The following CSMD1 variants were observed in gnomAD, a reference collection of about 807,000 sequenced individuals.
CSMD1 encodes the protein CUB and Sushi multiple domains 1.
Under a neutral mutation model 417.5 loss-of-function variants are expected in CSMD1, and 213 were observed. That is an observed-to-expected ratio of 0.51 (90% CI 0.46 to 0.57). CSMD1 has a LOEUF of 0.57. Among genes scored for constraint, CSMD1 ranks in the 20% least tolerant of loss-of-function variants. CSMD1 has a pLI of 0.00. For missense variants in CSMD1, 6,923 were observed against 4,529.7 expected (o/e 1.53, Z -15.17); for synonymous variants, 2,862 against 1,736.8 (o/e 1.65, Z -16.11).
intron 23 of CSMD1, among the ~76,000 whole-genome samples, chr8:3,334,176 G>A (rs143329470): frequency 6.6e-6 from 1 of 152,162 alleles, no homozygotes; most frequent in East Asian, 1.9e-4. Flanking sequence ...CCTTTTCAAG[G>A]TATCAGTCAA....
chr8:4,973,134 C>T (rs1261990660), intron 1 of CSMD1, among the ~76,000 whole-genome samples: 2 of 152,124 alleles, frequency 1.3e-5, no homozygotes, highest in African/African-American at 4.8e-5. Context: ...ATATAAAACA[C>T]ACCAAGAAAT....
intron 26 of CSMD1, among the ~76,000 whole-genome samples, chr8:3,236,733 C>G (rs1799175905): frequency 6.6e-6 from 1 of 152,176 alleles, no homozygotes. Context: ...TCATTTTTCT[C>G]TTAAATATGT....
intron 3 of CSMD1, among the ~76,000 whole-genome samples, chr8:4,304,559 G>A (rs924206920): frequency 7.2e-5 from 11 of 152,022 alleles, no homozygotes; most frequent in African/African-American, 1.7e-4. Context: ...ATAATCAATT[G>A]GGATGTGTTT....
intron 1 of CSMD1, among the ~76,000 whole-genome samples, chr8:4,742,945 C>A (rs1369259806): frequency 2.0e-5 from 3 of 151,958 alleles, no homozygotes; most frequent in Non-Finnish European, 4.4e-5. Context: ...TAAATGATAC[C>A]AAAAGTGCAT....
intron 3 of CSMD1, among the ~76,000 whole-genome samples, chr8:4,407,467 C>T (rs565646431): frequency 1.3e-4 from 20 of 152,222 alleles, no homozygotes; most frequent in Non-Finnish European, 2.1e-4. Flanking sequence ...TGTTGTAAAA[C>T]GTAATTTTGT....
intron 5 of CSMD1, among the ~76,000 whole-genome samples, chr8:3,838,597 T>G (rs1802864185): frequency 7.1e-6 from 1 of 140,248 alleles, no homozygotes. Flanking sequence ...TCCCTCTCTA[T>G]ATAAATATTT....
intron 2 of CSMD1, among the ~76,000 whole-genome samples, chr8:4,462,866 A>T (rs541149846): frequency 6.6e-6 from 1 of 152,240 alleles, no homozygotes; most frequent in South Asian, 2.1e-4. Context: ...AAACTCTTTG[A>T]AGAAAATATA....
Position 4,674,148 on chromosome 8 carries a change from C to G in CSMD1, c.86-36590G>C, listed in dbSNP as rs558355444. On this transcript the variant is annotated intron_variant, in intron 1 of 69. Coordinates refer to ENST00000635120, the MANE Select transcript of CSMD1 (RefSeq NM_033225.6). ...ATCTCACAGCAGATGTCCACTGGAA[C>G]CATAGATGAGGTGGGAAAATCGATC... Among the ~76,000 whole-genome samples the G allele has an allele frequency of 3.9e-4, 60 of 152,156 alleles. 1 individual carries two copies. In the South Asian group the frequency reaches 9.1e-3, roughly 23 times the overall value.
intron 3 of CSMD1, among the ~76,000 whole-genome samples, chr8:4,240,552 T>C (rs1374277410): frequency 6.6e-6 from 1 of 152,244 alleles, no homozygotes; most frequent in South Asian, 2.1e-4. Flanking sequence ...CTTAGAAGCC[T>C]GTGCCTCCTG....
rs561061396 is a variant in CSMD1, at chr8:4,401,373, A to G, written c.415+18580T>C. On this transcript the variant is annotated intron_variant, in intron 3 of 69. Transcript: ENST00000635120. ...GTATTGTTATTACATTTTATTCACC[A>G]AAGAGGTGTATCAGATGTTAGTTGT... Among the ~76,000 whole-genome samples the G allele has an allele frequency of 2.6e-5, 4 of 152,304 alleles. No individual in the cohort carries two copies. In the East Asian group the frequency reaches 7.7e-4, roughly 29 times the overall value.
At chr8:4,406,394 T>G (rs11992011) in intron 3 of CSMD1, among the ~76,000 whole-genome samples, 4,893 of 152,138 alleles carry the variant, frequency 0.032, 95 homozygotes, top group South Asian at 0.056. Flanking sequence ...AAACTCAACT[T>G]TTACTTCCCC....
rs925109179 is a variant in CSMD1 at position 3,758,668 on chromosome 8, T to A, written c.819-4626A>T. ...ACAACTTGGTGTTTCAGTTGAGATT[T>A]AGAAGAAAAGAATTCAACTGAATGG... On this transcript the variant is annotated intron_variant, in intron 5 of 69. Transcript: ENST00000635120. Among the ~76,000 whole-genome samples, 4 of 152,192 alleles carry A rather than the reference T, an allele frequency of 2.6e-5. No homozygotes were observed. In the East Asian group the frequency reaches 7.7e-4, roughly 29 times the overall value.
chr8:3,589,863 C>G (rs1329608198), intron 8 of CSMD1, among the ~76,000 whole-genome samples: 1 of 152,072 alleles, frequency 6.6e-6, no homozygotes, highest in Non-Finnish European at 1.5e-5. Context: ...CCATAAATAT[C>G]TACAGTTTTT....
chr8:4,163,324 T>C (rs900073615), intron 3 of CSMD1, among the ~76,000 whole-genome samples: 5 of 152,214 alleles, frequency 3.3e-5, no homozygotes, highest in Non-Finnish European at 7.3e-5. Flanking sequence ...TCTTCCAAAG[T>C]GGCTGTTCCA....
At chr8:4,925,531 C>A (rs980446007) in intron 1 of CSMD1, among the ~76,000 whole-genome samples, 1 of 81,044 alleles carries the variant, frequency 1.2e-5, no homozygotes, top group African/African-American at 4.3e-5. Flanking sequence ...TTCTGTCTGG[C>A]ATTTTCTTTT....
chr8:3,722,221 A>C (rs957315908), intron 6 of CSMD1, among the ~76,000 whole-genome samples: 8 of 152,202 alleles, frequency 5.3e-5, no homozygotes, highest in South Asian at 4.1e-4. Context: ...AGGCAGGAGA[A>C]TTGCTTGACC....
chr8:3,873,778 C>T (rs1317277974), intron 5 of CSMD1, among the ~76,000 whole-genome samples: 1 of 152,166 alleles, frequency 6.6e-6, no homozygotes, highest in East Asian at 1.9e-4. Flanking sequence ...CCTGAACCAA[C>T]GTAGCCCTTG....
chr8:4,270,788 G>A (rs1804538118), intron 3 of CSMD1, among the ~76,000 whole-genome samples: 1 of 152,114 alleles, frequency 6.6e-6, no homozygotes, highest in Non-Finnish European at 1.5e-5. Flanking sequence ...GGGGGCTGTG[G>A]CTTCCTTCCT....
At chr8:4,382,499 T>C (rs1046811064) in intron 3 of CSMD1, among the ~76,000 whole-genome samples, 3 of 152,200 alleles carry the variant, frequency 2.0e-5, no homozygotes, top group African/African-American at 7.2e-5. Context: ...CTAAACTCTC[T>C]GTTCACCGCT....
Sources: gnomAD v4.1 joint callset for allele counts (sites outside exome capture counted in the v4.1 genomes callset) on GRCh38, gnomAD v4.1.1 for gene constraint, MANE v1.5 for transcripts, NCBI Gene and HGNC (gene_info 2026-07-23, HGNC 2026-07-21) for gene names.